CSMD1: variants seen among roughly 807,000 people sequenced by gnomAD.
CSMD1 encodes CUB and Sushi multiple domains 1.
Under a neutral mutation model 417.5 loss-of-function variants are expected in CSMD1, and 213 were observed. The ratio of observed to expected loss-of-function variants is 0.51; its 90% CI spans 0.46 to 0.57. The LOEUF is 0.57. CSMD1 is among the 20% of genes least tolerant of loss of function. The pLI is 0.00. For synonymous variants in CSMD1, 2,862 were observed against 1,736.8 expected (o/e 1.65, Z -16.11); for missense variants, 6,923 against 4,529.7 (o/e 1.53, Z -15.17).
chr8:3,781,943 A>G (rs1799209737), intron 5 of CSMD1, among the ~76,000 whole-genome samples: 1 of 152,170 alleles, frequency 6.6e-6, no homozygotes, highest in Non-Finnish European at 1.5e-5. Context: ...CTCACATGCC[A>G]ACTCCATTAA....
At chr8:4,933,069 C>A (rs942438077) in intron 1 of CSMD1, among the ~76,000 whole-genome samples, 2 of 149,486 alleles carry the variant, frequency 1.3e-5, no homozygotes, top group African/African-American at 4.8e-5. Context: ...TAATCAATAG[C>A]ACTTTCTTTT....
chr8:3,609,085 A>G (rs905695636), intron 8 of CSMD1, among the ~76,000 whole-genome samples: 1 of 152,230 alleles, frequency 6.6e-6, no homozygotes. Context: ...ACCAAGGTCA[A>G]TAGAAGCTTT....
At chr8:3,325,892 A>C (rs77769512) in intron 23 of CSMD1, among the ~76,000 whole-genome samples, 7,123 of 152,302 alleles carry the variant, frequency 0.047, 367 homozygotes, top group East Asian at 0.22. Flanking sequence ...TGAATCCACT[A>C]TCAGATCATC....
chr8:3,751,056 G>C (rs561759819), intron 6 of CSMD1, among the ~76,000 whole-genome samples: 1 of 152,142 alleles, frequency 6.6e-6, no homozygotes, highest in South Asian at 2.1e-4. Context: ...TCCACAGGCA[G>C]TCTGCGTAAA....
intron 3 of CSMD1, among the ~76,000 whole-genome samples, chr8:4,178,435 A>C (rs1180166503): frequency 6.6e-6 from 1 of 151,398 alleles, no homozygotes; most frequent in Non-Finnish European, 1.5e-5. Context: ...GTATCTCAAA[A>C]TAATAAGAGC....
At chr8:3,783,500 G>C (rs927932619) in intron 5 of CSMD1, among the ~76,000 whole-genome samples, 4 of 152,200 alleles carry the variant, frequency 2.6e-5, no homozygotes, top group Non-Finnish European at 5.9e-5. Context: ...TGCTGAGGAG[G>C]GGAAAGGACC....
chr8:3,859,993 A>C (rs1033949305), intron 5 of CSMD1, among the ~76,000 whole-genome samples: 3 of 152,194 alleles, frequency 2.0e-5, no homozygotes, highest in African/African-American at 7.2e-5. Context: ...GGTTTTGGGA[A>C]ACCCAAACTT....
chr8:3,691,224 C>T (rs957482203), intron 7 of CSMD1, among the ~76,000 whole-genome samples: 6 of 151,832 alleles, frequency 4.0e-5, no homozygotes, highest in Admixed American at 6.6e-5. Flanking sequence ...AAAAATTAGC[C>T]GGGCACGGTA....
At chr8:4,851,781 A>C (rs1801496306) in intron 1 of CSMD1, among the ~76,000 whole-genome samples, 1 of 152,142 alleles carries the variant, frequency 6.6e-6, no homozygotes, top group Non-Finnish European at 1.5e-5. Flanking sequence ...ACGTACTTTT[A>C]AGTCACCCTC....
chr8:4,780,051 C>G (rs1585086381), intron 1 of CSMD1, among the ~76,000 whole-genome samples: 2 of 152,158 alleles, frequency 1.3e-5, no homozygotes, highest in East Asian at 3.8e-4. Context: ...TTCTGAGACC[C>G]TCATGGGGCA....
chr8:4,456,774 GAC>G (rs1799513327), intron 2 of CSMD1, among the ~76,000 whole-genome samples: 1 of 152,068 alleles, frequency 6.6e-6, no homozygotes, highest in Admixed American at 6.6e-5. Context: ...AGACCCATCT[GAC>G]AACCTACGAG....
chr8:3,473,884 A>G (rs934809542), intron 11 of CSMD1, among the ~76,000 whole-genome samples: 4 of 152,122 alleles, frequency 2.6e-5, no homozygotes, highest in African/African-American at 7.2e-5. Flanking sequence ...ACTTACAATC[A>G]TGGTAGAGGG....
chr8:4,132,134 C>T lies in CSMD1; in HGVS notation c.416-100035G>A, dbSNP rs924408025. On this transcript the variant is annotated intron_variant, in intron 3 of 69. Coordinates refer to ENST00000635120, the MANE Select transcript of CSMD1 (RefSeq NM_033225.6). ...CCAAAGTCTGTCTTGACAGTAAGAA[C>T]GACATTTCTACAGATCAGCTGTTGC... Among the ~76,000 whole-genome samples, 6 of 150,598 alleles carry T rather than the reference C, an allele frequency of 4.0e-5. No homozygotes were observed. The East Asian group carries it at 5.9e-4, about 15-fold the overall frequency.
chr8:3,482,463 G>A (rs909242030), intron 11 of CSMD1, among the ~76,000 whole-genome samples: 2 of 152,150 alleles, frequency 1.3e-5, no homozygotes, highest in African/African-American at 4.8e-5. Flanking sequence ...TGACCCACCA[G>A]AAATATGTAA....
intron 1 of CSMD1, among the ~76,000 whole-genome samples, chr8:4,976,761 GC>G (rs1195225637): frequency 3.3e-5 from 5 of 152,204 alleles, no homozygotes; most frequent in African/African-American, 9.6e-5. Context: ...CACTTTCATG[GC>G]AAATGTGATA....
intron 1 of CSMD1, among the ~76,000 whole-genome samples, chr8:4,840,388 A>C (rs1297483034): frequency 3.9e-5 from 6 of 152,226 alleles, no homozygotes; most frequent in Admixed American, 6.5e-5. Context: ...CTTGCTACTA[A>C]TGTTGAACAT....
At chr8:3,534,079 A>C (rs1798091124) in intron 10 of CSMD1, among the ~76,000 whole-genome samples, 1 of 152,148 alleles carries the variant, frequency 6.6e-6, no homozygotes, top group Admixed American at 6.6e-5. Context: ...CTTTGAAATG[A>C]TTGTTTTAGT....
intron 10 of CSMD1, among the ~76,000 whole-genome samples, chr8:3,520,019 CCTATAT>C (rs1052970901): frequency 7.0e-5 from 8 of 113,964 alleles, no homozygotes; most frequent in African/African-American, 3.2e-4. Context: ...TGTGTATATA[CCTATAT>C]ATATATATAT....
intron 5 of CSMD1, among the ~76,000 whole-genome samples, chr8:3,970,167 T>C (rs562764381): frequency 6.6e-6 from 1 of 150,914 alleles, no homozygotes; most frequent in African/African-American, 2.4e-5. Context: ...CATTTGGCAG[T>C]TGAATAGGAA....
Sources: allele counts gnomAD v4.1 joint callset (sites outside exome capture counted in the v4.1 genomes callset), GRCh38; gene constraint gnomAD v4.1.1; transcripts MANE v1.5; gene names NCBI Gene and HGNC (gene_info 2026-07-23, HGNC 2026-07-21).